CCP110: variants seen among roughly 807,000 people sequenced by gnomAD.
CCP110 encodes the protein centriolar coiled-coil protein of 110 kDa.
In CCP110, 43 loss-of-function variants were observed where a neutral mutation model predicts 105.5. The ratio of observed to expected loss-of-function variants is 0.41; its 90% CI spans 0.32 to 0.53. CCP110 has a LOEUF of 0.53. CCP110 is among the 20% of genes least tolerant of loss of function. The pLI is 0.32. For synonymous variants in CCP110, 353 were observed against 392.1 expected, an observed-to-expected ratio of 0.90 and a Z score of 1.18; for missense variants, 1,016 against 1,189.1, an observed-to-expected ratio of 0.85 and a Z score of 2.14.
At chr16:19,536,719 A>C in exon 4 of CCP110, 2 of 1,614,204 alleles carry the variant, frequency 1.2e-6, no homozygotes, top group Non-Finnish European at 1.7e-6. Context: ...TTGTTACCGA[A>C]AATAATGTTA....
intron 3 of CCP110, among the ~76,000 whole-genome samples, chr16:19,532,936 C>A (rs1199932404): frequency 6.6e-6 from 1 of 152,078 alleles, no homozygotes; most frequent in Non-Finnish European, 1.5e-5. Flanking sequence ...TAACTGCCTC[C>A]AATTTTTTTT....
rs1407774674 is a variant in CCP110, at chr16:19,532,413, C to T, written c.142-3C>T. 19 of 1,575,962 alleles carry T rather than the reference C, an allele frequency of 1.2e-5. No individual in the cohort carries two copies. Among genetic ancestry groups the T allele is most frequent in the Non-Finnish European group, 1.5e-5 (18 of 1,166,876 alleles). ...ATAATTACATTTTTATGATGTTTTGCAGCTTAACATTGAGAAAAGAAAGGA... is the reference window on the plus strand; with the variant it reads ...ATAATTACATTTTTATGATGTTTTGTAGCTTAACATTGAGAAAAGAAAGGA... On this transcript the variant is annotated splice_polypyrimidine_tract_variant and splice_region_variant and intron_variant, in intron 2 of 14. Transcript: ENST00000381396.
exon 15 of CCP110, chr16:19,551,941 G>A (rs1289845396): frequency 6.6e-6 from 1 of 152,158 alleles, no homozygotes; most frequent in Non-Finnish European, 1.5e-5. Flanking sequence ...ATCTTTCTGT[G>A]ACAGGTAACA....
chr16:19,537,639 A>C, intron 4 of CCP110, 52 bp downstream of exon 4: 2 of 1,000,340 alleles, frequency 2.0e-6, no homozygotes, highest in Non-Finnish European at 2.9e-6. Flanking sequence ...CCTTTATTTT[A>C]ATACTCTTAA....
At chr16:19,545,067 T>C (rs757718513) in intron 9 of CCP110, 27 bp from the exon 10 acceptor site, 2 of 1,344,112 alleles carry the variant, frequency 1.5e-6, no homozygotes, top group African/African-American at 2.9e-5. Flanking sequence ...TTTAAATGTA[T>C]ACAATATTTT....
In CCP110 at chr16:19,542,765, GTAAACT is replaced by G. The variant is rs771886535; in HGVS notation, c.2367+9_2367+14del. The G allele has an allele frequency of 6.2e-7, 1 of 1,611,438 alleles. No individual in the cohort carries two copies. The highest frequency in any genetic ancestry group is 8.5e-7 in the Non-Finnish European group (1 of 1,177,744). On this transcript the variant is annotated splice_donor_region_variant and intron_variant, in intron 7 of 14. Transcript: ENST00000381396. ...GCCAAAACTAGATGGTCTCAAGTGG[GTAAACT>G]TAATGATACATGTCCATCTATCTAT...
intron 2 of CCP110, 78 bp from the exon 3 acceptor site, chr16:19,532,338 A>G: frequency 7.9e-7 from 1 of 1,264,336 alleles, no homozygotes; most frequent in Non-Finnish European, 1.1e-6. Flanking sequence ...CATGTTTTTA[A>G]TCTTTCTGAT....
exon 4 of CCP110, chr16:19,537,521 G>A (rs773337958): frequency 1.9e-6 from 3 of 1,602,900 alleles, no homozygotes; most frequent in Non-Finnish European, 2.5e-6. Context: ...ACATTTGCCA[G>A]AAAAAAGATA....
exon 15 of CCP110, chr16:19,552,226 A>C (rs12934510): frequency 6.6e-6 from 1 of 152,192 alleles, no homozygotes; most frequent in Non-Finnish European, 1.5e-5. Context: ...CATCACTAAC[A>C]TATCCATTAA....
intron 3 of CCP110, among the ~76,000 whole-genome samples, chr16:19,534,537 G>A (rs558577321): frequency 1.3e-5 from 2 of 152,076 alleles, no homozygotes; most frequent in African/African-American, 2.4e-5. Flanking sequence ...AATATTTTAC[G>A]TAAGGAAATC....
At chr16:19,551,618 TA>T (rs1285158555) in exon 15 of CCP110, 2 of 172,648 alleles carry the variant, frequency 1.2e-5, no homozygotes, top group Non-Finnish European at 2.5e-5. Flanking sequence ...AAATAAGTTC[TA>T]AAACATAAAT....
At chr16:19,552,232 A>G (rs888070398) in exon 15 of CCP110, 6 of 152,168 alleles carry the variant, frequency 3.9e-5, no homozygotes, top group African/African-American at 9.7e-5. Context: ...TAACATATCC[A>G]TTAAAAGTAT....
intron 10 of CCP110, 94 bp from the exon 11 acceptor site, chr16:19,545,723 A>T: frequency 1.4e-6 from 1 of 706,832 alleles, no homozygotes; most frequent in Non-Finnish European, 2.5e-6. Flanking sequence ...TAGTAGAGAG[A>T]AGCTTTTCCA....
In CCP110 at chr16:19,545,218, A is replaced by G; in HGVS notation, c.2703+8A>G. 6.7e-7 allele frequency: 1 copy of G among 1,484,528 alleles called. No individual in the cohort carries two copies. The highest frequency in any genetic ancestry group is 9.4e-7 in the Non-Finnish European group (1 of 1,069,280). 92.0% of individuals were successfully genotyped at this position (1,484,528 alleles called of 1,614,324 possible). A position where few individuals can be genotyped will look rare whatever the true frequency, so the allele number is the denominator to read the frequency against. On this transcript the variant is annotated splice_region_variant and intron_variant, in intron 10 of 14. Transcript: ENST00000381396. ...AAAATGCTCAGGCAAATGGTATGTT[A>G]TATGATTTCTAATGAATAGAGTTCT...
chr16:19,541,275 A>G (rs1970267929), intron 5 of CCP110, among the ~76,000 whole-genome samples: 1 of 151,458 alleles, frequency 6.6e-6, no homozygotes, highest in South Asian at 2.1e-4. Context: ...TAAAAAGAAA[A>G]AAAAAAAGAA....
chr16:19,537,011 G>A, exon 4 of CCP110: 2 of 1,614,192 alleles, frequency 1.2e-6, no homozygotes, highest in Non-Finnish European at 1.7e-6. Flanking sequence ...AAATACATCT[G>A]AAGTCAAAGA....
chr16:19,532,938 AT>A (rs1203639331), intron 3 of CCP110, among the ~76,000 whole-genome samples: 5 of 151,220 alleles, frequency 3.3e-5, no homozygotes, highest in Admixed American at 1.3e-4. Flanking sequence ...ACTGCCTCCA[AT>A]TTTTTTTTGG....
intron 4 of CCP110, among the ~76,000 whole-genome samples, chr16:19,538,299 G>GTTTTTT (rs1555491002): frequency 2.3e-5 from 2 of 86,820 alleles, no homozygotes; most frequent in African/African-American, 1.2e-4. Flanking sequence ...GGAGGAAACA[G>GTTTTTT]TTCTTTTTTT....
exon 15 of CCP110, chr16:19,552,488 T>C (rs1031271226): frequency 2.7e-5 from 4 of 148,204 alleles, no homozygotes; most frequent in Non-Finnish European, 5.9e-5. Context: ...GACTGTGCCA[T>C]TGCACTCCAG....
Sources: gnomAD v4.1 joint callset for allele counts (sites outside exome capture counted in the v4.1 genomes callset) on GRCh38, gnomAD v4.1.1 for gene constraint, MANE v1.5 for transcripts, NCBI Gene and HGNC (gene_info 2026-07-23, HGNC 2026-07-21) for gene names.